The following ARHGAP40 variants were observed in gnomAD, a reference collection of about 807,000 sequenced individuals.
ARHGAP40 encodes rho GTPase-activating protein 40.
In ARHGAP40, 43 loss-of-function variants were observed where a neutral mutation model predicts 73.5. The ratio of observed to expected loss-of-function variants is 0.58; its 90% CI spans 0.46 to 0.75. The LOEUF is 0.75. ARHGAP40 is among the 30% of genes least tolerant of loss of function. ARHGAP40 has a pLI of 0.00. For missense variants in ARHGAP40, 734 were observed against 861.8 expected, an observed-to-expected ratio of 0.85 and a Z score of 1.86; for synonymous variants, 300 against 352.8, an observed-to-expected ratio of 0.85 and a Z score of 1.68.
intron 5 of ARHGAP40, among the ~76,000 whole-genome samples, chr20:38,631,989 A>G (rs1021278445): frequency 6.6e-6 from 1 of 152,142 alleles, no homozygotes. Flanking sequence ...TTTTTGAAAC[A>G]GTCTCACTCT....
chr20:38,618,929 A>T (rs1403642405), intron 1 of ARHGAP40, among the ~76,000 whole-genome samples: 3 of 152,214 alleles, frequency 2.0e-5, no homozygotes, highest in Admixed American at 6.5e-5. Context: ...GGACTGTAAA[A>T]GAATTTTGGG....
At chr20:38,640,194 T>C (rs1438505991) in intron 9 of ARHGAP40, among the ~76,000 whole-genome samples, 2 of 133,672 alleles carry the variant, frequency 1.5e-5, no homozygotes, top group Non-Finnish European at 3.0e-5. Flanking sequence ...TCTTCTTTTC[T>C]TCTTTCTTCT....
Position 38,649,755 on chromosome 20 carries a change from A to T in ARHGAP40, c.1937-2A>T. 1 of 1,305,020 alleles carries T rather than the reference A, an allele frequency of 7.7e-7. No homozygotes were observed. Among genetic ancestry groups the T allele is most frequent in the Non-Finnish European group, 1.0e-6 (1 of 988,628 alleles). 80.8% of individuals were successfully genotyped at this position (1,305,020 alleles called of 1,614,324 possible). ...AACCTCCTTCACCCCTTCTTCCCAC[A>T]GATGAGCATCGCCTGGACCCAGATG... is the stretch of plus-strand genomic sequence containing the variant. On this transcript the variant is annotated splice_acceptor_variant, in intron 14 of 14. Coordinates refer to ENST00000373345, the Ensembl canonical transcript of ARHGAP40. LOFTEE classifies it high-confidence loss of function.
intron 4 of ARHGAP40, among the ~76,000 whole-genome samples, 173 bp from the exon 5 acceptor site, chr20:38,629,329 C>T (rs1468648693): frequency 6.6e-6 from 1 of 152,220 alleles, no homozygotes; most frequent in Non-Finnish European, 1.5e-5. Flanking sequence ...TAGGAAATCA[C>T]TTCCTGGGCA....
chr20:38,634,628 C>T (rs113642842), exon 6 of ARHGAP40: 156 of 1,305,258 alleles, frequency 1.2e-4, no homozygotes, highest in South Asian at 2.6e-4. Flanking sequence ...AGAAGTTTAC[C>T]GTCCCCAAAG....
At chr20:38,644,736 C>T (rs1223711505) in intron 11 of ARHGAP40, among the ~76,000 whole-genome samples, 1 of 150,956 alleles carries the variant, frequency 6.6e-6, no homozygotes, top group Non-Finnish European at 1.5e-5. Flanking sequence ...CTCACCCATC[C>T]ACCAATCATG....
At chr20:38,633,577 G>C (rs2088954629) in intron 5 of ARHGAP40, among the ~76,000 whole-genome samples, 1 of 152,212 alleles carries the variant, frequency 6.6e-6, no homozygotes, top group South Asian at 2.1e-4. Context: ...CACAGGTAAA[G>C]TCAGGATTTG....
At chr20:38,626,305 C>A (rs1392685467) in intron 2 of ARHGAP40, among the ~76,000 whole-genome samples, 1 of 152,198 alleles carries the variant, frequency 6.6e-6, no homozygotes, top group Non-Finnish European at 1.5e-5. Context: ...AGCTCTTGTC[C>A]ATTTCCCCCA....
chr20:38,605,306 C>T (rs567043354), intron 1 of ARHGAP40, among the ~76,000 whole-genome samples: 1 of 152,248 alleles, frequency 6.6e-6, no homozygotes, highest in South Asian at 2.1e-4. Flanking sequence ...CTCTCTCAGC[C>T]CTTAAGATGT....
At chr20:38,639,453 G>A in intron 9 of ARHGAP40, 67 bp downstream of exon 9, 1 of 1,269,726 alleles carries the variant, frequency 7.9e-7, no homozygotes. Context: ...TGGTGGAGAG[G>A]GGAAGCCATG....
intron 6 of ARHGAP40, among the ~76,000 whole-genome samples, chr20:38,635,910 C>T (rs971448756): frequency 5.3e-5 from 8 of 152,288 alleles, no homozygotes; most frequent in Non-Finnish European, 1.2e-4. Context: ...CTTGGCTGAT[C>T]TAGGCTTAGC....
At chr20:38,643,650 G>A in intron 10 of ARHGAP40, 54 bp from the exon 11 acceptor site, 1 of 1,271,820 alleles carries the variant, frequency 7.9e-7, no homozygotes, top group South Asian at 1.3e-5. Context: ...GGGGATGGTG[G>A]GGAGGCGCCA....
chr20:38,623,586 G>T, intron 2 of ARHGAP40, 28 bp downstream of exon 2: 1 of 1,264,728 alleles, frequency 7.9e-7, no homozygotes, highest in Non-Finnish European at 1.0e-6. Flanking sequence ...GGGCCTATAG[G>T]GGTGGTGGGA....
In ARHGAP40 at chr20:38,613,607, G is replaced by C. The variant is rs188147874; in HGVS notation, c.138-9752G>C. Among the ~76,000 whole-genome samples, 24 of 152,230 alleles carry C rather than the reference G, an allele frequency of 1.6e-4. No homozygotes were observed. In the East Asian group the frequency reaches 4.7e-3, roughly 30 times the overall value. On this transcript the variant is annotated intron_variant, in intron 1 of 14. Coordinates refer to ENST00000373345, the Ensembl canonical transcript of ARHGAP40. ...TGCCCTGGAGAAGGTCTCTGGGCCA[G>C]GTCTCCACACCTAGGATGCAGCTTC... is the stretch of plus-strand genomic sequence containing the variant.
At chr20:38,632,344 G>C (rs1452593304) in intron 5 of ARHGAP40, among the ~76,000 whole-genome samples, 1 of 151,812 alleles carries the variant, frequency 6.6e-6, no homozygotes, top group East Asian at 1.9e-4. Context: ...TTCACTGCAA[G>C]CTCCGCCCCC....
rs146978120 is a variant in ARHGAP40 at position 38,639,351 on chromosome 20, C to T, written c.1244C>T (p.Thr415Met). ...CGGAAGCTGCCGACACCTTTGCTCACGGCTGAGTACCTCCCGGCCTTCGCC... is the reference window on the plus strand; with the variant it reads ...CGGAAGCTGCCGACACCTTTGCTCATGGCTGAGTACCTCCCGGCCTTCGCC... The change falls in exon 9 of 15, where the codon ACG becomes ATG. Residue 415 changes from threonine to methionine, a missense_variant. Coordinates refer to ENST00000373345, the Ensembl canonical transcript of ARHGAP40. 4.1e-5 allele frequency: 53 copies of T among 1,305,566 alleles called. No individual in the cohort carries two copies. The East Asian group carries it at 5.5e-4, about 14-fold the overall frequency. 80.9% of individuals were successfully genotyped at this position (1,305,566 alleles called of 1,614,324 possible).
intron 1 of ARHGAP40, among the ~76,000 whole-genome samples, chr20:38,613,069 T>A (rs1195623514): frequency 1.3e-5 from 2 of 152,236 alleles, no homozygotes; most frequent in Non-Finnish European, 2.9e-5. Context: ...TACTGATTAT[T>A]TTTTCCCAAG....
At chr20:38,645,825 C>G (rs1377483027) in intron 11 of ARHGAP40, among the ~76,000 whole-genome samples, 2 of 152,170 alleles carry the variant, frequency 1.3e-5, no homozygotes, top group Non-Finnish European at 2.9e-5. Context: ...TCAGGGTGGG[C>G]TCCACTCTCA....
rs531521663 is a variant in ARHGAP40 at position 38,629,162 on chromosome 20, C to T, written c.634+160C>T. On this transcript the variant is annotated intron_variant, in intron 4 of 14. Transcript: ENST00000373345. ...GCAGTAGGGAGGAGCCCTGAGGGGACAGGTTGGGCCCTTAAGTGAGCTGTT... is the reference window on the plus strand; with the variant it reads ...GCAGTAGGGAGGAGCCCTGAGGGGATAGGTTGGGCCCTTAAGTGAGCTGTT... 2.0e-5 allele frequency among the ~76,000 whole-genome samples: 3 copies of T among 152,290 alleles called. No homozygotes were observed. The East Asian group carries it at 5.8e-4, about 29-fold the overall frequency.
Sources: gnomAD v4.1 joint callset for allele counts (sites outside exome capture counted in the v4.1 genomes callset) on GRCh38, gnomAD v4.1.1 for gene constraint, MANE v1.5 for transcripts, NCBI Gene and HGNC (gene_info 2026-07-23, HGNC 2026-07-21) for gene names.